GNG2: variants seen among roughly 807,000 people sequenced by gnomAD.
The protein encoded by GNG2 is G protein subunit gamma 2.
In GNG2, 5 loss-of-function variants were observed where a neutral mutation model predicts 5.5. That is an observed-to-expected ratio of 0.91 (90% confidence interval 0.48 to 1.92). The LOEUF is 1.92. Among genes scored for constraint, GNG2 ranks in the 30% most tolerant of loss-of-function variants. The probability of loss-of-function intolerance (pLI) is 0.01; values close to 1 mark genes in which losing one functional copy is unlikely to be tolerated. For synonymous variants in GNG2, 28 were observed against 32.0 expected, an observed-to-expected ratio of 0.88 and a Z score of 0.42; for missense variants, 55 against 88.4, an observed-to-expected ratio of 0.62 and a Z score of 1.52.
intron 3 of GNG2, among the ~76,000 whole-genome samples, chr14:51,959,795 C>G (rs894939732): frequency 4.6e-5 from 7 of 152,104 alleles, no homozygotes; most frequent in Admixed American, 3.9e-4. Context: ...CCTACCATCA[C>G]CAACACACTC....
intron 1 of GNG2, among the ~76,000 whole-genome samples, chr14:51,861,023 A>G (rs1245898392): frequency 6.6e-6 from 1 of 152,180 alleles, no homozygotes; most frequent in East Asian, 1.9e-4. Context: ...AACATGCTAA[A>G]TACAAGAAGC....
chr14:51,853,779 A>G (rs1430988395), intron 2 of GNG2, among the ~76,000 whole-genome samples: 1 of 151,824 alleles, frequency 6.6e-6, no homozygotes, highest in Non-Finnish European at 1.5e-5. Flanking sequence ...TTAAAGGACT[A>G]TTTTTCCAAG....
intron 2 of GNG2, among the ~76,000 whole-genome samples, chr14:51,948,925 T>C (rs1486502854): frequency 6.6e-6 from 1 of 151,966 alleles, no homozygotes; most frequent in Non-Finnish European, 1.5e-5. Context: ...ATCAAGACCA[T>C]CCTGGCTAAC....
upstream of GNG2, among the ~76,000 whole-genome samples, chr14:51,858,786 C>T (rs1474875887): frequency 1.3e-5 from 2 of 152,194 alleles, no homozygotes; most frequent in Non-Finnish European, 2.9e-5. Context: ...CCCAATCCCT[C>T]TCACTACTGC....
At chr14:51,854,924 G>T (rs1882084108) in intron 2 of GNG2, among the ~76,000 whole-genome samples, 1 of 152,052 alleles carries the variant, frequency 6.6e-6, no homozygotes, top group African/African-American at 2.4e-5. Flanking sequence ...TAAGACCTCA[G>T]GCTTCATGGT....
chr14:51,910,875 A>G (rs897951276), intron 2 of GNG2, among the ~76,000 whole-genome samples: 5 of 152,272 alleles, frequency 3.3e-5, no homozygotes, highest in Non-Finnish European at 7.3e-5. Context: ...GAATGCCTCT[A>G]GAACAGCACT....
intron 1 of GNG2, among the ~76,000 whole-genome samples, chr14:51,861,809 G>A (rs949182733): frequency 6.6e-5 from 10 of 152,176 alleles, no homozygotes; most frequent in Admixed American, 5.2e-4. Flanking sequence ...CATGCAGCAC[G>A]ATTTAAAGAA....
chr14:51,898,545 A>G (rs1429879272), intron 2 of GNG2, among the ~76,000 whole-genome samples: 1 of 152,248 alleles, frequency 6.6e-6, no homozygotes, highest in African/African-American at 2.4e-5. Flanking sequence ...GAAAGAGGAA[A>G]CTGTTAAATA....
intron 1 of GNG2, among the ~76,000 whole-genome samples, chr14:51,865,827 G>A (rs1464172839): frequency 6.6e-6 from 1 of 152,022 alleles, no homozygotes; most frequent in Admixed American, 6.5e-5. Flanking sequence ...TAAATTTTCA[G>A]GTAAGAGTAT....
chr14:51,910,885 T>C (rs1338023941), intron 2 of GNG2, among the ~76,000 whole-genome samples: 1 of 152,246 alleles, frequency 6.6e-6, no homozygotes, highest in East Asian at 1.9e-4. Flanking sequence ...AGAACAGCAC[T>C]TAATTGACAT....
At chr14:51,940,459 G>T (rs1421610552) in intron 2 of GNG2, 1 of 152,186 alleles carries the variant, frequency 6.6e-6, no homozygotes, top group African/African-American at 2.4e-5. Context: ...ACACACACCT[G>T]CCCGCACCCT....
chr14:51,927,507 G>A (rs1456543923), intron 2 of GNG2, among the ~76,000 whole-genome samples: 1 of 152,180 alleles, frequency 6.6e-6, no homozygotes, highest in Non-Finnish European at 1.5e-5. Context: ...GCCTCTTCTA[G>A]GTGTTTCCAC....
intron 3 of GNG2, among the ~76,000 whole-genome samples, chr14:51,954,991 A>G (rs1889199368): frequency 6.6e-6 from 1 of 152,174 alleles, no homozygotes; most frequent in Admixed American, 6.5e-5. Flanking sequence ...ATGTAGAGGA[A>G]TGGGAATGGG....
intron 3 of GNG2, among the ~76,000 whole-genome samples, chr14:51,958,370 C>G (rs1390448657): frequency 6.7e-6 from 1 of 148,710 alleles, no homozygotes; most frequent in East Asian, 2.0e-4. Flanking sequence ...GTTGCTGCCC[C>G]CCAGGACCTC....
chr14:51,951,477 G>T (rs1436458672), intron 3 of GNG2, among the ~76,000 whole-genome samples: 4 of 152,136 alleles, frequency 2.6e-5, no homozygotes, highest in Non-Finnish European at 5.9e-5. Flanking sequence ...ATGGCACGGT[G>T]GCAAAGTAAA....
chr14:51,880,408 C>T (rs546681885), intron 2 of GNG2, among the ~76,000 whole-genome samples: 4 of 152,250 alleles, frequency 2.6e-5, no homozygotes, highest in African/African-American at 9.6e-5. Context: ...TTATTATAGC[C>T]AATTTCTAGG....
intron 1 of GNG2, among the ~76,000 whole-genome samples, chr14:51,867,503 C>T (rs1882981750): frequency 6.6e-6 from 1 of 152,230 alleles, no homozygotes; most frequent in Admixed American, 6.5e-5. Context: ...GTCTTCCTCA[C>T]CAAGCACCTC....
intron 1 of GNG2, among the ~76,000 whole-genome samples, chr14:51,869,714 T>C (rs551901397): frequency 6.6e-6 from 1 of 152,282 alleles, no homozygotes; most frequent in African/African-American, 2.4e-5. Context: ...GGTTTCACCG[T>C]GTTACCCAGA....
intron 2 of GNG2, among the ~76,000 whole-genome samples, chr14:51,889,057 G>A (rs1459621466): frequency 6.6e-6 from 1 of 151,894 alleles, no homozygotes; most frequent in Non-Finnish European, 1.5e-5. Context: ...TTCAGACTGG[G>A]GGAGAGGGAA....
Sources: gnomAD v4.1 joint callset for allele counts (sites outside exome capture counted in the v4.1 genomes callset) on GRCh38, gnomAD v4.1.1 for gene constraint, MANE v1.5 for transcripts, NCBI Gene and HGNC (gene_info 2026-07-23, HGNC 2026-07-21) for gene names.